The following BTD variants were observed in gnomAD, a reference collection of about 807,000 sequenced individuals.
BTD encodes the protein biotinidase.
A neutral mutation model predicts 17.7 loss-of-function variants in BTD; 13 were observed. That is an observed-to-expected ratio of 0.74 (90% CI 0.48 to 1.17). The LOEUF (loss-of-function observed/expected upper bound fraction) is 1.17, where lower values mean the gene tolerates loss of function less well. Ranked by LOEUF, BTD falls within the 50% of genes most tolerant of loss-of-function variation. The pLI is 0.00. For missense variants in BTD, 674 were observed against 650.4 expected, an observed-to-expected ratio of 1.04 and a Z score of -0.39; for synonymous variants, 240 against 245.2, an observed-to-expected ratio of 0.98 and a Z score of 0.20.
intron 1 of BTD, among the ~76,000 whole-genome samples, chr3:15,624,055 A>G (rs2065014954): frequency 1.3e-5 from 2 of 152,240 alleles, no homozygotes; most frequent in African/African-American, 2.4e-5. Context: ...TATTGTTTAC[A>G]TGATTTCTGA....
intron 3 of BTD, chr3:15,694,903 A>G: frequency 1.6e-6 from 2 of 1,223,910 alleles, no homozygotes; most frequent in Non-Finnish European, 2.4e-6. Flanking sequence ...ACCTTAGAGT[A>G]TTATTTGGCA....
At chr3:15,614,884 A>G (rs1367659840) in intron 1 of BTD, among the ~76,000 whole-genome samples, 1 of 152,180 alleles carries the variant, frequency 6.6e-6, no homozygotes, top group African/African-American at 2.4e-5. Flanking sequence ...GGCATGAGCC[A>G]CCACTCCCAG....
chr3:15,614,191 G>A (rs539658689), intron 1 of BTD, among the ~76,000 whole-genome samples: 23 of 147,170 alleles, frequency 1.6e-4, no homozygotes, highest in South Asian at 1.5e-3. Context: ...TGGCACAGCC[G>A]TAGCCCACTG....
At chr3:15,676,993 T>C (rs2067003347) in intron 3 of BTD, 4 of 1,612,976 alleles carry the variant, frequency 2.5e-6, no homozygotes, top group Non-Finnish European at 3.4e-6. Context: ...GCTGCGTTGG[T>C]TGCATTGATG....
intron 3 of BTD, among the ~76,000 whole-genome samples, chr3:15,708,325 A>C (rs773919163): frequency 1.3e-5 from 2 of 152,192 alleles, no homozygotes; most frequent in Non-Finnish European, 2.9e-5. Context: ...TCCCAGTCCC[A>C]GTCCTTTGAG....
intron 3 of BTD, among the ~76,000 whole-genome samples, chr3:15,708,490 A>C (rs1211472103): frequency 6.6e-6 from 1 of 152,130 alleles, no homozygotes; most frequent in East Asian, 1.9e-4. Flanking sequence ...AAAAAAATAG[A>C]AGAAACATTA....
At position 15,650,690 on chromosome 3, in the gene BTD, A is replaced by G. The variant is rs1244726031; in HGVS notation, c.*5202A>G. On this transcript the variant is annotated 3_prime_UTR_variant, in exon 4 of 4. Coordinates refer to ENST00000643237, the MANE Select transcript of BTD (RefSeq NM_001370658.1). ...TCCTCTTTTTACACAGTCCCTAATT[A>G]AAGTCTCAGAGATGAACAACCTGGG... 6.6e-6 allele frequency among the ~76,000 whole-genome samples: 1 copy of G among 152,224 alleles called. No individual in the cohort carries two copies. The highest frequency in any genetic ancestry group is 2.4e-5 in the African/African-American group (1 of 41,462).
chr3:15,719,949 C>T (rs1276481503), intron 4 of BTD, among the ~76,000 whole-genome samples: 1 of 152,154 alleles, frequency 6.6e-6, no homozygotes, highest in East Asian at 1.9e-4. Flanking sequence ...CAGCTCACTG[C>T]AGCCTTGACC....
chr3:15,674,555 T>C (rs1362998472), intron 3 of BTD, among the ~76,000 whole-genome samples: 2 of 152,128 alleles, frequency 1.3e-5, no homozygotes, highest in African/African-American at 4.8e-5. Flanking sequence ...ATTAGGCACG[T>C]GGATATATAG....
Position 15,645,467 on chromosome 3 carries a change from G to T in BTD, c.1551G>T (p.Gly517=). Residue 517 remains glycine, a synonymous_variant, in exon 4 of 4, where the codon GGG becomes GGT. Coordinates refer to ENST00000643237, the MANE Select transcript of BTD (RefSeq NM_001370658.1). ...GGCTGGTGACGGCGGCTCTCTATGGGCGCTTGTATGAGAGGGACTAGGAAA... is the reference window on the plus strand; with the variant it reads ...GGCTGGTGACGGCGGCTCTCTATGGTCGCTTGTATGAGAGGGACTAGGAAA... The part of the protein sequence containing the change: ...SSGLVTAALY[G]RLYERD The T allele has an allele frequency of 6.2e-7, 1 of 1,608,966 alleles. No individual in the cohort carries two copies. Among genetic ancestry groups the T allele is most frequent in the Non-Finnish European group, 8.5e-7 (1 of 1,179,998 alleles).
At chr3:15,617,377 GTTATC>G (rs1255572060) in intron 1 of BTD, among the ~76,000 whole-genome samples, 2 of 152,150 alleles carry the variant, frequency 1.3e-5, no homozygotes, top group African/African-American at 4.8e-5. Flanking sequence ...ATTCTCCTAT[GTTATC>G]TTTTAAGAGT....
chr3:15,672,948 G>A (rs1035741630), intron 3 of BTD, among the ~76,000 whole-genome samples: 2 of 152,166 alleles, frequency 1.3e-5, no homozygotes, highest in Non-Finnish European at 2.9e-5. Flanking sequence ...GCTAATTTTT[G>A]TATTTTTAGT....
At chr3:15,705,199 G>T (rs112034624) in intron 3 of BTD, among the ~76,000 whole-genome samples, 1 of 152,058 alleles carries the variant, frequency 6.6e-6, no homozygotes, top group Non-Finnish European at 1.5e-5. Flanking sequence ...GCTCAAAACC[G>T]TTTATATTCA....
At position 15,651,602 on chromosome 3, in the gene BTD, G is replaced by GATCCATATCCATATCCAT. The variant is rs1559605041; in HGVS notation, c.*6124_*6125insATATCCATATCCATATCC. ...CGGTGTGACAGGCAGAGAGCCAGGC[G>GATCCATATCCATATCCAT]ATCCATATCCTGTCTCCTCTCTCTT... is the stretch of plus-strand genomic sequence containing the variant. On this transcript the variant is annotated 3_prime_UTR_variant, in exon 4 of 4. Transcript: ENST00000643237. Among the ~76,000 whole-genome samples the GATCCATATCCATATCCAT allele has an allele frequency of 6.6e-6, 1 of 152,168 alleles. No individual in the cohort carries two copies. The highest frequency in any genetic ancestry group is 1.9e-4 in the East Asian group (1 of 5,186).
chr3:15,709,605 TAGA>T, intron 3 of BTD: 2 of 1,146,446 alleles, frequency 1.7e-6, no homozygotes, highest in Non-Finnish European at 2.5e-6. Flanking sequence ...AGAAGCCAGT[TAGA>T]AGGTCAATCA....
chr3:15,671,332 G>C (rs574921447), intron 3 of BTD, among the ~76,000 whole-genome samples: 44 of 152,156 alleles, frequency 2.9e-4, no homozygotes, highest in African/African-American at 1.1e-3. Flanking sequence ...CGGAGCGGGA[G>C]AGAAGTGATA....
intron 3 of BTD, among the ~76,000 whole-genome samples, chr3:15,707,270 A>G (rs1175196674): frequency 6.6e-6 from 1 of 152,010 alleles, no homozygotes; most frequent in Non-Finnish European, 1.5e-5. Context: ...AAAAAAAAAT[A>G]TGTATCAAGG....
chr3:15,601,587 C>T (rs762888402), upstream of BTD: 14 of 1,588,666 alleles, frequency 8.8e-6, no homozygotes, highest in Non-Finnish European at 1.2e-5. Flanking sequence ...AGGAGGGCAA[C>T]CAACTGCCTT....
chr3:15,612,810 T>A (rs972639841), intron 1 of BTD, among the ~76,000 whole-genome samples: 6 of 152,196 alleles, frequency 3.9e-5, no homozygotes, highest in African/African-American at 1.4e-4. Flanking sequence ...GTCAGGAGTC[T>A]GAGCATAGTT....
Sources: gnomAD v4.1 joint callset for allele counts (sites outside exome capture counted in the v4.1 genomes callset) on GRCh38, gnomAD v4.1.1 for gene constraint, MANE v1.5 for transcripts, NCBI Gene and HGNC (gene_info 2026-07-23, HGNC 2026-07-21) for gene names.